Variants in NREP observed in about 807,000 individuals in gnomAD.
NREP encodes neuronal regeneration-related protein.
In NREP, 5 loss-of-function variants were observed where a neutral mutation model predicts 8.6. That is an observed-to-expected ratio of 0.58 (90% CI 0.30 to 1.22). The LOEUF is 1.22. NREP is among the 50% of genes most tolerant of loss of function. NREP has a pLI of 0.07. For synonymous variants in NREP, 27 were observed against 28.0 expected (o/e 0.96, Z 0.11); for missense variants, 86 against 82.5 (o/e 1.04, Z -0.17).
intron 2 of NREP, among the ~76,000 whole-genome samples, chr5:111,910,587 T>C (rs767849317): frequency 5.9e-5 from 9 of 151,976 alleles, no homozygotes; most frequent in Non-Finnish European, 8.8e-5. Flanking sequence ...GTCTGAAAGG[T>C]GCTAAGGATA....
At chr5:111,939,944 G>C (rs960700314) in intron 2 of NREP, 8 of 152,036 alleles carry the variant, frequency 5.3e-5, no homozygotes, top group Non-Finnish European at 8.8e-5. Flanking sequence ...CAAAAATACT[G>C]TTATCACAGG....
intron 2 of NREP, among the ~76,000 whole-genome samples, chr5:111,960,692 C>T (rs1756455165): frequency 6.6e-6 from 1 of 152,198 alleles, no homozygotes; most frequent in African/African-American, 2.4e-5. Context: ...AGAAATGGAA[C>T]AAGCTTGGTA....
At chr5:111,774,311 ATAT>A (rs966578037) in intron 2 of NREP, among the ~76,000 whole-genome samples, 9 of 151,984 alleles carry the variant, frequency 5.9e-5, no homozygotes, top group African/African-American at 1.7e-4. Flanking sequence ...AAGACATATG[ATAT>A]TATGGTAGGC....
chr5:111,864,100 G>T (rs1223982486), intron 2 of NREP, among the ~76,000 whole-genome samples: 1 of 152,108 alleles, frequency 6.6e-6, no homozygotes, highest in African/African-American at 2.4e-5. Flanking sequence ...TGAAGGAGAA[G>T]ATCATGGCAT....
intron 2 of NREP, chr5:111,912,518 G>A (rs776780078): frequency 6.6e-6 from 1 of 152,018 alleles, no homozygotes; most frequent in Non-Finnish European, 1.5e-5. Context: ...CTTTCCTAAA[G>A]GATATAGATT....
chr5:111,971,896 A>G (rs985302990), intron 2 of NREP, among the ~76,000 whole-genome samples: 1 of 152,190 alleles, frequency 6.6e-6, no homozygotes, highest in Non-Finnish European at 1.5e-5. Context: ...ACAAAAAAGG[A>G]GTATATCAAA....
chr5:111,912,361 T>A (rs959323033), intron 2 of NREP: 15 of 152,288 alleles, frequency 9.8e-5, no homozygotes, highest in African/African-American at 3.1e-4. Context: ...CCTCACTTCA[T>A]CCACCCTGCA....
At chr5:111,741,776 G>C (rs1309866508) in intron 2 of NREP, among the ~76,000 whole-genome samples, 1 of 151,706 alleles carries the variant, frequency 6.6e-6, no homozygotes, top group Non-Finnish European at 1.5e-5. Context: ...AAGCATTCTG[G>C]CTTGGGGGCT....
At chr5:111,887,979 C>G (rs543035891) in intron 2 of NREP, among the ~76,000 whole-genome samples, 6 of 152,098 alleles carry the variant, frequency 3.9e-5, no homozygotes, top group Non-Finnish European at 8.8e-5. Context: ...AAAGTCCTGT[C>G]AAATGAATTA....
At chr5:111,901,223 TA>T (rs1428026401) in intron 2 of NREP, among the ~76,000 whole-genome samples, 1 of 152,130 alleles carries the variant, frequency 6.6e-6, no homozygotes, top group African/African-American at 2.4e-5. Context: ...TAAATGATCA[TA>T]AAACAGATTT....
In NREP at chr5:111,729,809, A is replaced by AAAG. The variant is rs1223119554; in HGVS notation, c.*1109_*1111dup. ...ACCTTGCTTATCAAAATTGCCGAAA[A>AAAG]AAGAATGCTCTGCCTTTTAAAAAAG... is the stretch of plus-strand genomic sequence containing the variant. On this transcript the variant is annotated 3_prime_UTR_variant, in exon 4 of 4. Coordinates refer to ENST00000257435, the MANE Select transcript of NREP (RefSeq NM_004772.4). 441 of 152,770 alleles carry AAAG rather than the reference A, an allele frequency of 2.9e-3. 2 individuals carry two copies. The highest frequency in any genetic ancestry group is 1.0e-2 in the African/African-American group (415 of 41,596). 9.5% of individuals were successfully genotyped at this position (152,770 alleles called of 1,614,324 possible).
intron 2 of NREP, among the ~76,000 whole-genome samples, chr5:111,893,438 A>G (rs1217246110): frequency 6.6e-6 from 1 of 151,842 alleles, no homozygotes; most frequent in African/African-American, 2.4e-5. Context: ...CTCACTGTGC[A>G]CTATATTAGG....
At chr5:111,844,766 G>A (rs2112953283) in intron 2 of NREP, among the ~76,000 whole-genome samples, 1 of 148,512 alleles carries the variant, frequency 6.7e-6, no homozygotes, top group East Asian at 2.0e-4. Flanking sequence ...TGAAATTTCT[G>A]CTCTCAAATT....
At chr5:111,759,850 C>T (rs377295825), upstream of NREP, among the ~76,000 whole-genome samples, 88 of 152,224 alleles carry the variant, frequency 5.8e-4, no homozygotes, top group African/African-American at 2.0e-3. Flanking sequence ...TACAGTAGAC[C>T]CACTCTTCTA....
chr5:111,813,711 GAAAACAGAGA>G (rs1379105332), intron 2 of NREP, among the ~76,000 whole-genome samples: 1 of 152,090 alleles, frequency 6.6e-6, no homozygotes, highest in Non-Finnish European at 1.5e-5. Context: ...GGTTACCATA[GAAAACAGAGA>G]AGGGGAAGGA....
chr5:111,881,367 C>G (rs950543411), intron 2 of NREP, among the ~76,000 whole-genome samples: 10 of 152,192 alleles, frequency 6.6e-5, no homozygotes, highest in South Asian at 2.1e-4. Context: ...AAGGAGGCCT[C>G]CCTGCCTCTG....
Position 111,756,191 on chromosome 5 carries a change from T to G in NREP, c.-58-361A>C. 5.9e-6 allele frequency: 6 copies of G among 1,023,842 alleles called. No individual in the cohort carries two copies. The South Asian group carries it at 2.0e-4, about 34-fold the overall frequency. The allele number at this position is 1,023,842 out of a possible 1,614,324, so 63.4% of individuals were successfully genotyped here. A position where few individuals can be genotyped will look rare whatever the true frequency, so the allele number is the denominator to read the frequency against. On this transcript the variant is annotated intron_variant, in intron 1 of 3. Transcript: ENST00000257435. ...CCCAGACATACTACTGGCAGTATATTTGCAATCAAGACGACAGAATAGGAA... is the reference window on the plus strand; with the variant it reads ...CCCAGACATACTACTGGCAGTATATGTGCAATCAAGACGACAGAATAGGAA...
chr5:111,772,249 T>A (rs1751248379), intron 2 of NREP, among the ~76,000 whole-genome samples: 1 of 152,188 alleles, frequency 6.6e-6, no homozygotes, highest in African/African-American at 2.4e-5. Flanking sequence ...AATCACAGTA[T>A]ATTTGGCCAA....
At chr5:111,959,361 G>A (rs557356756) in intron 2 of NREP, among the ~76,000 whole-genome samples, 1 of 151,814 alleles carries the variant, frequency 6.6e-6, no homozygotes, top group Non-Finnish European at 1.5e-5. Context: ...AGCCTCTGGG[G>A]GCTGATGTTC....
Sources: gnomAD v4.1 joint callset for allele counts (sites outside exome capture counted in the v4.1 genomes callset) on GRCh38, gnomAD v4.1.1 for gene constraint, MANE v1.5 for transcripts, NCBI Gene and HGNC (gene_info 2026-07-23, HGNC 2026-07-21) for gene names.